Variants in MAGI3 observed in about 807,000 individuals in gnomAD.
MAGI3 encodes the protein membrane associated guanylate kinase, WW and PDZ domain containing 3, also known as membrane-associated guanylate kinase, WW and PDZ domain-containing protein 3.
A neutral mutation model predicts 121.8 loss-of-function variants in MAGI3; 43 were observed. The observed-to-expected ratio is 0.35, with a 90% CI of 0.28 to 0.46. The LOEUF (loss-of-function observed/expected upper bound fraction) is 0.46, where lower values mean the gene tolerates loss of function less well. MAGI3 is among the 20% of genes least tolerant of loss of function. The probability of loss-of-function intolerance (pLI) is 1.00; values close to 1 mark genes in which losing one functional copy is unlikely to be tolerated. For missense variants in MAGI3, 1,547 were observed against 1,797.3 expected (o/e 0.86, Z 2.52); for synonymous variants, 553 against 639.3 (o/e 0.86, Z 2.04).
chr1:113,437,869 CTT>C (rs1653684714), intron 1 of MAGI3, among the ~76,000 whole-genome samples: 5 of 7,930 alleles, frequency 6.3e-4, no homozygotes, highest in South Asian at 0.016. Context: ...TCTTCCTCTT[CTT>C]CTTCTTCTCC....
At chr1:113,585,117 T>G (rs1403630588) in intron 3 of MAGI3, among the ~76,000 whole-genome samples, 1 of 151,762 alleles carries the variant, frequency 6.6e-6, no homozygotes, top group Non-Finnish European at 1.5e-5. Context: ...CACAGGCATG[T>G]GCTACCATAC....
chr1:113,449,338 A>C (rs563033461), intron 1 of MAGI3, among the ~76,000 whole-genome samples: 4 of 142,772 alleles, frequency 2.8e-5, no homozygotes, highest in Non-Finnish European at 6.2e-5. Flanking sequence ...TAAATCCTTT[A>C]TAAGTGTTGC....
intron 1 of MAGI3, among the ~76,000 whole-genome samples, chr1:113,425,645 G>A (rs1421826714): frequency 6.6e-6 from 1 of 152,018 alleles, no homozygotes; most frequent in Non-Finnish European, 1.5e-5. Context: ...TTGGTTGGGT[G>A]GTTTTTGAGG....
intron 1 of MAGI3, among the ~76,000 whole-genome samples, chr1:113,401,316 A>G (rs1651388489): frequency 6.6e-6 from 1 of 152,158 alleles, no homozygotes. Context: ...TGTTAAATGC[A>G]GTAAAACACT....
At chr1:113,513,182 G>A (rs1423616600) in intron 1 of MAGI3, among the ~76,000 whole-genome samples, 4 of 152,234 alleles carry the variant, frequency 2.6e-5, no homozygotes, top group South Asian at 2.1e-4. Context: ...AATCAATATC[G>A]TGAAAATGGC....
At chr1:113,503,132 T>C (rs1657104969) in intron 1 of MAGI3, among the ~76,000 whole-genome samples, 2 of 85,624 alleles carry the variant, frequency 2.3e-5, no homozygotes, top group East Asian at 5.9e-4. Context: ...GACACATTAG[T>C]GGGTGCAGCG....
intron 1 of MAGI3, among the ~76,000 whole-genome samples, chr1:113,482,592 C>T (rs1283096791): frequency 1.3e-5 from 2 of 151,196 alleles, no homozygotes; most frequent in African/African-American, 2.4e-5. Flanking sequence ...TTGCCTCAGC[C>T]TTCCAAAGTG....
intron 1 of MAGI3, among the ~76,000 whole-genome samples, chr1:113,514,255 C>A (rs1169768370): frequency 1.3e-5 from 2 of 151,898 alleles, no homozygotes; most frequent in African/African-American, 4.8e-5. Context: ...TACCATTTGA[C>A]CCAGCCATCC....
At chr1:113,591,223 A>G (rs991559156) in intron 5 of MAGI3, among the ~76,000 whole-genome samples, 2 of 152,126 alleles carry the variant, frequency 1.3e-5, no homozygotes, top group Admixed American at 6.5e-5. Context: ...ATTACCATAT[A>G]TATTAGATCA....
At chr1:113,565,279 G>A (rs570097744) in intron 2 of MAGI3, among the ~76,000 whole-genome samples, 1 of 152,310 alleles carries the variant, frequency 6.6e-6, no homozygotes, top group African/African-American at 2.4e-5. Flanking sequence ...TATTAAGAAT[G>A]TATCCAAAAA....
chr1:113,580,964 T>G (rs1647987336), intron 3 of MAGI3: 2 of 166,724 alleles, frequency 1.2e-5, no homozygotes, highest in Non-Finnish European at 2.6e-5. Context: ...TCAGTGAGTA[T>G]TTGTTGATTG....
intron 19 of MAGI3, among the ~76,000 whole-genome samples, chr1:113,676,065 CTCTG>C (rs1160493635): frequency 3.3e-5 from 5 of 151,944 alleles, no homozygotes; most frequent in African/African-American, 1.2e-4. Flanking sequence ...CTCTCTCTCT[CTCTG>C]TCTCTCTCTC....
At chr1:113,564,959 C>T (rs1489218265) in intron 2 of MAGI3, among the ~76,000 whole-genome samples, 2 of 152,000 alleles carry the variant, frequency 1.3e-5, no homozygotes, top group African/African-American at 2.4e-5. Flanking sequence ...AAGTGATTCT[C>T]CTGCCTCAGC....
chr1:113,652,079 G>A (rs531348973), intron 14 of MAGI3, among the ~76,000 whole-genome samples: 11 of 152,186 alleles, frequency 7.2e-5, no homozygotes, highest in Non-Finnish European at 1.5e-4. Flanking sequence ...ACTGGTAAGA[G>A]GTAGGGCCTG....
At chr1:113,452,296 T>C (rs373994595) in intron 1 of MAGI3, among the ~76,000 whole-genome samples, 1 of 152,148 alleles carries the variant, frequency 6.6e-6, no homozygotes, top group Non-Finnish European at 1.5e-5. Flanking sequence ...TTTGGAGTTT[T>C]GATCCGAAAG....
intron 9 of MAGI3, among the ~76,000 whole-genome samples, chr1:113,632,609 C>T (rs145868419): frequency 3.2e-4 from 48 of 152,304 alleles, no homozygotes; most frequent in African/African-American, 1.1e-3. Context: ...AATAGTCTTA[C>T]TAATGTCAAA....
chr1:113,476,194 T>A (rs1655809914), intron 1 of MAGI3, among the ~76,000 whole-genome samples: 1 of 152,214 alleles, frequency 6.6e-6, no homozygotes, highest in Non-Finnish European at 1.5e-5. Context: ...TTGATTTTTT[T>A]GAAGGGTTTT....
intron 19 of MAGI3, among the ~76,000 whole-genome samples, chr1:113,680,540 G>C (rs1400952768): frequency 6.6e-6 from 1 of 152,042 alleles, no homozygotes; most frequent in Non-Finnish European, 1.5e-5. Context: ...GGCGGATCAC[G>C]AGGTCAGGAG....
intron 1 of MAGI3, among the ~76,000 whole-genome samples, chr1:113,508,832 T>TA (rs983842720): frequency 2.0e-5 from 3 of 151,586 alleles, no homozygotes; most frequent in Non-Finnish European, 2.9e-5. Flanking sequence ...TTGATTTTTT[T>TA]AAAAAAAAAA....
Sources: allele counts gnomAD v4.1 joint callset (sites outside exome capture counted in the v4.1 genomes callset), GRCh38; gene constraint gnomAD v4.1.1; transcripts MANE v1.5; gene names NCBI Gene and HGNC (gene_info 2026-07-23, HGNC 2026-07-21).